The following ZC3H7A variants were observed in gnomAD, a reference collection of about 807,000 sequenced individuals.
ZC3H7A encodes zinc finger CCCH-type containing 7A.
A neutral mutation model predicts 125.5 loss-of-function variants in ZC3H7A; 44 were observed. The observed-to-expected ratio is 0.35, with a 90% CI of 0.28 to 0.45. The LOEUF is 0.45. Among genes scored for constraint, ZC3H7A ranks in the 20% least tolerant of loss-of-function variants. ZC3H7A has a pLI of 1.00. For missense variants in ZC3H7A, 977 were observed against 1,170.7 expected, an observed-to-expected ratio of 0.83 and a Z score of 2.41; for synonymous variants, 399 against 391.2, an observed-to-expected ratio of 1.02 and a Z score of -0.23.
intron 3 of ZC3H7A, among the ~76,000 whole-genome samples, chr16:11,779,946 T>A (rs2053147333): frequency 6.6e-6 from 1 of 152,138 alleles, no homozygotes; most frequent in Non-Finnish European, 1.5e-5. Flanking sequence ...TCCACATTTT[T>A]ACGGACCCCT....
At chr16:11,781,489 G>A (rs780805283) in intron 2 of ZC3H7A, 25 bp from the exon 3 acceptor site, 1 of 1,600,526 alleles carries the variant, frequency 6.2e-7, no homozygotes, top group South Asian at 1.1e-5. Flanking sequence ...CAAATTAACT[G>A]TAATTATCAA....
chr16:11,782,590 G>A (rs1392287698), intron 1 of ZC3H7A: 3 of 304,144 alleles, frequency 9.9e-6, no homozygotes, highest in East Asian at 5.7e-5. Context: ...TAAGCACACC[G>A]TTTTCATATT....
intron 3 of ZC3H7A, among the ~76,000 whole-genome samples, chr16:11,780,455 A>G (rs1279299706): frequency 6.6e-6 from 1 of 152,148 alleles, no homozygotes; most frequent in African/African-American, 2.4e-5. Context: ...TTTTCATCAC[A>G]AGATCAGAAA....
chr16:11,756,570 C>A (rs1372669753), intron 20 of ZC3H7A, among the ~76,000 whole-genome samples, 200 bp from the exon 21 acceptor site: 1 of 152,180 alleles, frequency 6.6e-6, no homozygotes, highest in African/African-American at 2.4e-5. Flanking sequence ...ACTTTCAGGA[C>A]TGTTAGATGG....
At chr16:11,785,517 T>A (rs552336827) in intron 1 of ZC3H7A, among the ~76,000 whole-genome samples, 8 of 151,850 alleles carry the variant, frequency 5.3e-5, no homozygotes, top group Non-Finnish European at 1.0e-4. Flanking sequence ...AAAATAATAT[T>A]TTTTTAAAAA....
At chr16:11,761,297 A>G in intron 19 of ZC3H7A, 109 bp downstream of exon 19, 1 of 1,031,100 alleles carries the variant, frequency 9.7e-7, no homozygotes. Context: ...TAGCATTATT[A>G]CTGACGAATA....
intron 1 of ZC3H7A, 41 bp from the exon 2 acceptor site, chr16:11,782,429 G>A: frequency 6.5e-7 from 1 of 1,545,352 alleles, no homozygotes; most frequent in Non-Finnish European, 8.9e-7. Context: ...AGGTACCAGG[G>A]TCCCTGGACT....
intron 21 of ZC3H7A, 40 bp downstream of exon 21, chr16:11,756,197 T>C (rs1221637452): frequency 5.1e-6 from 8 of 1,582,238 alleles, no homozygotes; most frequent in Non-Finnish European, 5.1e-6. Flanking sequence ...GCTCCATCAA[T>C]GGCTCGGCAA....
intron 15 of ZC3H7A, among the ~76,000 whole-genome samples, chr16:11,764,353 AG>A (rs906417195): frequency 2.0e-5 from 3 of 152,162 alleles, no homozygotes; most frequent in African/African-American, 7.2e-5. Flanking sequence ...GTTCAAGACC[AG>A]CCCAGCCAAC....
At chr16:11,782,264 C>T in intron 2 of ZC3H7A, 23 bp downstream of exon 2, 1 of 1,613,754 alleles carries the variant, frequency 6.2e-7, no homozygotes, top group Non-Finnish European at 8.5e-7. Context: ...GCGGCAAGAA[C>T]ACAAGAACTC....
chr16:11,782,485 G>A, intron 1 of ZC3H7A, 97 bp from the exon 2 acceptor site: 4 of 997,282 alleles, frequency 4.0e-6, no homozygotes, highest in Non-Finnish European at 4.6e-6. Flanking sequence ...ACAATCAGCT[G>A]TGGACACATC....
In ZC3H7A at chr16:11,751,313, C is replaced by T; in HGVS notation, c.*4G>A. On this transcript the variant is annotated 3_prime_UTR_variant, in exon 23 of 23. Transcript: ENST00000355758. ...ATTAGGTATCATACATAAAAGCCAG[C>T]ATATTAGTTTAAATCTTTAAACAAA... 1 of 1,608,770 alleles carries T rather than the reference C, an allele frequency of 6.2e-7. No homozygotes were observed. Among genetic ancestry groups the T allele is most frequent in the Non-Finnish European group, 8.5e-7 (1 of 1,177,460 alleles).
chr16:11,769,779 G>GTTTTTTTTTTTTTTTTTTTT (rs2052942203), intron 10 of ZC3H7A, among the ~76,000 whole-genome samples: 1 of 63,544 alleles, frequency 1.6e-5, no homozygotes, highest in African/African-American at 1.2e-4. Context: ...GTTTTCAATT[G>GTTTTTTTTTTTTTTTTTTTT]CTTTCTTTTT....
intron 3 of ZC3H7A, among the ~76,000 whole-genome samples, chr16:11,779,652 T>C (rs185174525): frequency 2.6e-5 from 4 of 152,304 alleles, no homozygotes; most frequent in Admixed American, 1.3e-4. Flanking sequence ...AGAAACCAAG[T>C]GGAAGCCCCA....
intron 1 of ZC3H7A, among the ~76,000 whole-genome samples, chr16:11,787,868 C>T (rs2053282971): frequency 6.6e-6 from 1 of 151,860 alleles, no homozygotes; most frequent in Non-Finnish European, 1.5e-5. Flanking sequence ...ATCGTTTGAA[C>T]CCAGGAGGCA....
At chr16:11,777,614 G>A (rs968695881) in intron 4 of ZC3H7A, among the ~76,000 whole-genome samples, 3 of 151,694 alleles carry the variant, frequency 2.0e-5, no homozygotes, top group Non-Finnish European at 2.9e-5. Context: ...CCCAGCACTC[G>A]GGAGGCTGAA....
chr16:11,762,881 AT>A lies in ZC3H7A; in HGVS notation c.2003-135del, dbSNP rs1419658566. ...CCTCCTAATCCATCAGCAAGGATGA[AT>A]ACCACGTTTCTCTTTTTTGAAATGG... On this transcript the variant is annotated intron_variant, in intron 16 of 22. Coordinates refer to ENST00000355758, the MANE Select transcript of ZC3H7A (RefSeq NM_014153.4). 9.7e-6 allele frequency: 7 copies of A among 722,778 alleles called. No homozygotes were observed. In the African/African-American group the frequency reaches 1.1e-4, roughly 11 times the overall value. The allele number at this position is 722,778 out of a possible 1,614,324, so 44.8% of individuals were successfully genotyped here. A position where few individuals can be genotyped will look rare whatever the true frequency, so the allele number is the denominator to read the frequency against.
Position 11,765,218 on chromosome 16 carries a change from G to GAAACTAGGACAATA in ZC3H7A, c.1720-66_1720-65insTATTGTCCTAGTTT. On this transcript the variant is annotated intron_variant, in intron 14 of 22. Coordinates refer to ENST00000355758, the MANE Select transcript of ZC3H7A (RefSeq NM_014153.4). This position sits in a 1 kb window ranked among gnomAD's most constrained non-coding sequence, Gnocchi z 4.8. ...ATATAAATTTTGTACCCAGAATATT[G>GAAACTAGGACAATA]TCCTAGTTTCAATATCATTACAAAA... The GAAACTAGGACAATA allele has an allele frequency of 1.9e-6, 2 of 1,051,480 alleles. No individual in the cohort carries two copies. The highest frequency in any genetic ancestry group is 2.7e-6 in the Non-Finnish European group (2 of 747,354). 65.1% of individuals were successfully genotyped at this position (1,051,480 alleles called of 1,614,324 possible). A position where few individuals can be genotyped will look rare whatever the true frequency, so the allele number is the denominator to read the frequency against.
At chr16:11,752,336 A>G (rs933364936) in intron 22 of ZC3H7A, among the ~76,000 whole-genome samples, 1 of 152,236 alleles carries the variant, frequency 6.6e-6, no homozygotes, top group Non-Finnish European at 1.5e-5. Flanking sequence ...ACTGTGAGCA[A>G]AGGTTGTGGC....
Sources: gnomAD v4.1 joint callset for allele counts (sites outside exome capture counted in the v4.1 genomes callset) on GRCh38, gnomAD v4.1.1 for gene constraint, Gnocchi (gnomAD v3.1) non-coding constraint, MANE v1.5 for transcripts, NCBI Gene and HGNC (gene_info 2026-07-23, HGNC 2026-07-21) for gene names.